NCOR1: variants seen among roughly 807,000 people sequenced by gnomAD.
NCOR1 encodes protein phosphatase 1, regulatory subunit 109.
Under a neutral mutation model 288.1 loss-of-function variants are expected in NCOR1, and 63 were observed. The ratio of observed to expected loss-of-function variants is 0.22; its 90% CI spans 0.18 to 0.27. NCOR1 has a LOEUF of 0.27. Ranked by LOEUF, NCOR1 falls within the 10% of genes least tolerant of loss-of-function variation. The pLI is 1.00. For synonymous variants in NCOR1, 1,007 were observed against 1,065.9 expected, an observed-to-expected ratio of 0.94 and a Z score of 1.08; for missense variants, 2,397 against 3,019.2, an observed-to-expected ratio of 0.79 and a Z score of 4.83.
At chr17:16,196,005 AT>A (rs1304854098) in intron 1 of NCOR1, among the ~76,000 whole-genome samples, 3 of 151,476 alleles carry the variant, frequency 2.0e-5, no homozygotes, top group Non-Finnish European at 4.4e-5. Context: ...CATGACAAAA[AT>A]TTTATATACA....
intron 2 of NCOR1, chr17:16,192,061 G>T (rs1268480395): frequency 6.6e-6 from 1 of 151,094 alleles, no homozygotes; most frequent in Non-Finnish European, 1.5e-5. Context: ...AATGGAGCAG[G>T]TCACAACTCC....
At chr17:16,149,137 C>T (rs1306028758) in intron 9 of NCOR1, among the ~76,000 whole-genome samples, 2 of 151,886 alleles carry the variant, frequency 1.3e-5, no homozygotes, top group African/African-American at 2.4e-5. Flanking sequence ...CTGTTTGAGG[C>T]TTAAGAAACT....
At chr17:16,174,437 A>G (rs2083704900) in intron 3 of NCOR1, among the ~76,000 whole-genome samples, 1 of 152,316 alleles carries the variant, frequency 6.6e-6, no homozygotes, top group Non-Finnish European at 1.5e-5. Context: ...CAAGTATTAC[A>G]TTTCATTTCC....
chr17:16,120,963 A>G, intron 16 of NCOR1, 89 bp downstream of exon 16: 1 of 1,179,956 alleles, frequency 8.5e-7, no homozygotes. Flanking sequence ...TAGGTTGTCA[A>G]TATTAAAAGT....
intron 44 of NCOR1, among the ~76,000 whole-genome samples, chr17:16,038,200 G>T (rs140387064): frequency 3.0e-4 from 45 of 152,104 alleles, no homozygotes; most frequent in Middle Eastern, 3.4e-3. Flanking sequence ...AGGTAATTTT[G>T]AAAAGCACAA....
intron 1 of NCOR1, among the ~76,000 whole-genome samples, chr17:16,201,054 TG>T (rs965702433): frequency 9.2e-5 from 14 of 152,234 alleles, no homozygotes; most frequent in Admixed American, 8.5e-4. Flanking sequence ...TTCTTCCCTT[TG>T]GGGGGAAAAA....
chr17:16,041,564 G>A lies in NCOR1; in HGVS notation c.6680-1070C>T, dbSNP rs1051412457. On this transcript the variant is annotated intron_variant, in intron 42 of 45. Transcript: ENST00000268712. ...GAGCAGCTGGGATTATAGGCCCCCC[G>A]CCACCATGCCCAGCTAATTTTTGTA... 6.1e-5 allele frequency among the ~76,000 whole-genome samples: 9 copies of A among 148,532 alleles called. No individual in the cohort carries two copies. In the East Asian group the frequency reaches 1.6e-3, roughly 27 times the overall value.
At chr17:16,211,808 AC>A (rs958705155) in intron 1 of NCOR1, among the ~76,000 whole-genome samples, 11 of 152,158 alleles carry the variant, frequency 7.2e-5, no homozygotes, top group African/African-American at 2.2e-4. Flanking sequence ...CCACAAGAAA[AC>A]CAAAATAAAA....
At chr17:16,058,367 A>T (rs1597993111) in intron 38 of NCOR1, 104 bp downstream of exon 38, 1 of 1,429,984 alleles carries the variant, frequency 7.0e-7, no homozygotes, top group Non-Finnish European at 9.4e-7. Flanking sequence ...TTACCCTAAA[A>T]CAAACAAAAC....
At chr17:16,161,119 C>A (rs2153426900) in intron 5 of NCOR1, among the ~76,000 whole-genome samples, 1 of 152,004 alleles carries the variant, frequency 6.6e-6, no homozygotes, top group Admixed American at 6.6e-5. Flanking sequence ...CTTAGAGGGC[C>A]TTCTTTTAGA....
chr17:16,151,922 A>G (rs1227888192), intron 8 of NCOR1, 24 bp downstream of exon 8: 1 of 1,557,504 alleles, frequency 6.4e-7, no homozygotes, highest in Admixed American at 1.8e-5. Context: ...TAATTGAAGA[A>G]CTCCAAAGAT....
Position 16,062,148 on chromosome 17 carries a change from T to C in NCOR1, c.5344A>G (p.Ser1782Gly). 1.2e-6 allele frequency: 2 copies of C among 1,613,806 alleles called. No individual in the cohort carries two copies. The highest frequency in any genetic ancestry group is 8.5e-7 in the Non-Finnish European group (1 of 1,179,968). The change falls in exon 36 of 46, where the codon AGT becomes GGT. Residue 1782 changes from serine (S) to glycine (G), a missense_variant. Physicochemically the swap from Ser to Gly is moderately conservative, Grantham distance 56. Around this residue, in one of 11 missense-constraint regions of NCOR1, gnomAD observed 1,872 missense variants for 2,187.8 expected, o/e 0.86. Transcript: ENST00000268712. ...GTTGGATCCAAAGGTGTGATTACAC[T>C]GGTTCCATTGGTTCCTTGGAAAACA... ...PSVFQGTNGTSVITPLDPTAQ... is the reference protein window; with the variant it reads ...PSVFQGTNGTGVITPLDPTAQ...
chr17:16,158,241 TG>T (rs1182345065), intron 6 of NCOR1, among the ~76,000 whole-genome samples: 1 of 152,218 alleles, frequency 6.6e-6, no homozygotes, highest in Non-Finnish European at 1.5e-5. Flanking sequence ...CCCAAAGTAC[TG>T]GGATTATGGG....
chr17:16,151,185 TTC>T (rs2078802975), intron 8 of NCOR1, among the ~76,000 whole-genome samples: 1 of 146,472 alleles, frequency 6.8e-6, no homozygotes, highest in African/African-American at 2.5e-5. Context: ...GCACCTAAAA[TTC>T]TCTTAAAGTA....
At chr17:16,039,302 G>T in intron 44 of NCOR1, 131 bp downstream of exon 44, 1 of 858,536 alleles carries the variant, frequency 1.2e-6, no homozygotes, top group Non-Finnish European at 1.8e-6. Flanking sequence ...TTTAAGTAAC[G>T]GAAACCCTAA....
In NCOR1 at chr17:16,127,301, G is replaced by GTATA. The variant is rs1158743942; in HGVS notation, c.1510-1099_1510-1096dup. ...TATATACGTGTATATATGTATGTAT[G>GTATA]TATATATACATGTATGTATATATGT... On this transcript the variant is annotated intron_variant, in intron 14 of 45. Transcript: ENST00000268712. 2.1e-5 allele frequency among the ~76,000 whole-genome samples: 2 copies of GTATA among 95,706 alleles called. 1 individual carries two copies. Among genetic ancestry groups the GTATA allele is most frequent in the Admixed American group, 2.0e-4 (2 of 9,866 alleles). 62.8% of individuals were successfully genotyped at this position (95,706 alleles called of 152,430 possible).
chr17:16,160,811 G>C (rs1401434074), intron 5 of NCOR1, among the ~76,000 whole-genome samples: 1 of 151,930 alleles, frequency 6.6e-6, no homozygotes, highest in Non-Finnish European at 1.5e-5. Flanking sequence ...AAATAAATAA[G>C]AGTGACAGTC....
At chr17:16,077,920 T>C (rs957529169) in intron 26 of NCOR1, among the ~76,000 whole-genome samples, 1 of 152,190 alleles carries the variant, frequency 6.6e-6, no homozygotes, top group African/African-American at 2.4e-5. Flanking sequence ...TTTTCTCAAA[T>C]TGTGATATGA....
intron 23 of NCOR1, among the ~76,000 whole-genome samples, chr17:16,081,382 TAAAA>T (rs67148328): frequency 7.2e-6 from 1 of 139,522 alleles, no homozygotes. Flanking sequence ...AATATTTATT[TAAAA>T]AAAAAAAAAA....
Sources: gnomAD v4.1 joint callset for allele counts (sites outside exome capture counted in the v4.1 genomes callset) on GRCh38, gnomAD v4.1.1 for gene constraint, gnomAD v4.1.1 regional missense constraint, MANE v1.5 for transcripts, NCBI Gene and HGNC (gene_info 2026-07-23, HGNC 2026-07-21) for gene names.